Variants in PCGF3 observed in about 807,000 individuals in gnomAD.
PCGF3 encodes the protein polycomb group ring finger 3.
Under a neutral mutation model 33.1 loss-of-function variants are expected in PCGF3, and 7 were observed. The observed-to-expected ratio is 0.21, with a 90% CI of 0.12 to 0.40. PCGF3 has a LOEUF of 0.40. Ranked by LOEUF, PCGF3 falls within the 10% of genes least tolerant of loss-of-function variation. PCGF3 has a pLI of 1.00. For synonymous variants in PCGF3, 153 were observed against 121.3 expected (o/e 1.26, Z -1.72); for missense variants, 211 against 313.3 (o/e 0.67, Z 2.46).
At chr4:747,606 G>C (rs7681797) in intron 8 of PCGF3, among the ~76,000 whole-genome samples, 374 of 21,278 alleles carry the variant, frequency 0.018, 1 homozygote, top group East Asian at 0.047. Context: ...GGCGGGGCCC[G>C]GGGGTCGCTG....
At chr4:705,886 G>C (rs905947379) in exon 1 of PCGF3, 1 of 152,148 alleles carries the variant, frequency 6.6e-6, no homozygotes, top group Non-Finnish European at 1.5e-5. Flanking sequence ...TCCTCTTGGG[G>C]GGGACCCAGA....
chr4:744,525 G>A, intron 7 of PCGF3, 75 bp from the exon 8 acceptor site: 1 of 1,089,860 alleles, frequency 9.2e-7, no homozygotes, highest in Non-Finnish European at 1.4e-6. Flanking sequence ...GACGGCATTT[G>A]GAGTACAGTG....
At chr4:752,445 C>T (rs990570516) in intron 8 of PCGF3, among the ~76,000 whole-genome samples, 4 of 152,218 alleles carry the variant, frequency 2.6e-5, no homozygotes, top group African/African-American at 9.7e-5. Context: ...TGGGAGCAGC[C>T]GGCGGGTTTC....
chr4:737,728 G>A (rs1577418179), intron 6 of PCGF3, among the ~76,000 whole-genome samples: 1 of 152,174 alleles, frequency 6.6e-6, no homozygotes, highest in Non-Finnish European at 1.5e-5. Context: ...TACCCCTTAT[G>A]TGTATTCATT....
chr4:743,353 A>G (rs1744176053), intron 6 of PCGF3, 121 bp from the exon 7 acceptor site: 1 of 644,918 alleles, frequency 1.6e-6, no homozygotes, highest in South Asian at 1.9e-5. Flanking sequence ...CTGCTTTCTT[A>G]TTAGTAGCCT....
At chr4:758,456 T>A (rs532130936) in intron 8 of PCGF3, among the ~76,000 whole-genome samples, 1 of 136,484 alleles carries the variant, frequency 7.3e-6, no homozygotes, top group East Asian at 2.3e-4. Context: ...CCTTCCGGAC[T>A]CCGGGTCTTT....
chr4:748,324 C>G (rs750003583), intron 8 of PCGF3, among the ~76,000 whole-genome samples: 15 of 151,958 alleles, frequency 9.9e-5, no homozygotes, highest in Non-Finnish European at 1.6e-4. Context: ...CTCAGCCTCC[C>G]GAGTAGCTGG....
intron 1 of PCGF3, among the ~76,000 whole-genome samples, chr4:712,755 T>C (rs973442433): frequency 3.9e-5 from 6 of 152,256 alleles, no homozygotes; most frequent in Non-Finnish European, 8.8e-5. Flanking sequence ...CAATAAACTC[T>C]AATATTTAGG....
At chr4:761,219 C>G (rs1298239421) in intron 8 of PCGF3, 60 bp from the exon 9 acceptor site, 10 of 1,420,848 alleles carry the variant, frequency 7.0e-6, no homozygotes, top group African/African-American at 4.4e-5. Context: ...TCTAAGGAAG[C>G]CTCCAGAACC....
rs1743072656 is a variant in PCGF3, at chr4:721,463, G to A, written c.-189-9167G>A. 6.6e-6 allele frequency among the ~76,000 whole-genome samples: 1 copy of A among 152,188 alleles called. No individual in the cohort carries two copies. Among genetic ancestry groups the A allele is most frequent in the Non-Finnish European group, 1.5e-5 (1 of 68,038 alleles). ...GGCAGTCAGCCAGACGGGAAAGGGG[G>A]CTGAGGCGTCCAGGCTGCAGAGGGT... On this transcript the variant is annotated intron_variant, in intron 1 of 10. Transcript: ENST00000362003. This position sits in a 1 kb window ranked among gnomAD's most constrained non-coding sequence, Gnocchi z 4.1.
intron 8 of PCGF3, among the ~76,000 whole-genome samples, chr4:760,732 C>T (rs1334358056): frequency 1.3e-5 from 2 of 152,228 alleles, no homozygotes; most frequent in African/African-American, 2.4e-5. Flanking sequence ...GGGCAGATTC[C>T]TTTTCGCACC....
chr4:719,697 G>A (rs1742998098), intron 1 of PCGF3, among the ~76,000 whole-genome samples: 1 of 152,222 alleles, frequency 6.6e-6, no homozygotes, highest in South Asian at 2.1e-4. Flanking sequence ...ACGGTGCAGG[G>A]CGGTGCAGGC....
At chr4:748,793 T>G (rs1445445866) in intron 8 of PCGF3, among the ~76,000 whole-genome samples, 1 of 152,160 alleles carries the variant, frequency 6.6e-6, no homozygotes, top group Non-Finnish European at 1.5e-5. Flanking sequence ...CTGGTGTTGG[T>G]CTCGTCTGCG....
chr4:741,283 G>T (rs1468388407), intron 6 of PCGF3, among the ~76,000 whole-genome samples: 1 of 152,254 alleles, frequency 6.6e-6, no homozygotes, highest in African/African-American at 2.4e-5. Flanking sequence ...AGATATGGCT[G>T]TAGTCAGAAT....
intron 10 of PCGF3, 151 bp from the exon 11 acceptor site, chr4:765,881 T>G (rs776873211): frequency 1.5e-6 from 1 of 682,250 alleles, no homozygotes. Flanking sequence ...TGGGGGACCC[T>G]TCTGTTGCTC....
intron 3 of PCGF3, among the ~76,000 whole-genome samples, chr4:732,661 C>G (rs992679860): frequency 6.6e-6 from 1 of 152,164 alleles, no homozygotes. Context: ...CAGCAGAGAG[C>G]TCCAGGCTGG....
At chr4:752,064 G>A (rs548640080) in intron 8 of PCGF3, among the ~76,000 whole-genome samples, 4 of 152,366 alleles carry the variant, frequency 2.6e-5, no homozygotes, top group African/African-American at 7.2e-5. Context: ...ATACTTGACG[G>A]GGCCTTTCTT....
rs1379199548 is a variant in PCGF3, at chr4:721,925, G to A, written c.-189-8705G>A. 6.7e-6 allele frequency among the ~76,000 whole-genome samples: 1 copy of A among 149,782 alleles called. No homozygotes were observed. Among genetic ancestry groups the A allele is most frequent in the Non-Finnish European group, 1.5e-5 (1 of 67,814 alleles). On this transcript the variant is annotated intron_variant, in intron 1 of 10. Transcript: ENST00000362003. The surrounding 1 kb of genome is among the most constrained non-coding windows in gnomAD (Gnocchi z 4.1). ...GGAGAGAGGCCTGTGGGAGGTGGGT[G>A]GACATGTGTCGCTGCATGTGGGTGT...
intron 7 of PCGF3, among the ~76,000 whole-genome samples, 196 bp from the exon 8 acceptor site, chr4:744,404 A>G (rs1165263724): frequency 6.6e-6 from 1 of 152,182 alleles, no homozygotes; most frequent in East Asian, 1.9e-4. Context: ...CCACAGGCCC[A>G]CACGCCCGTT....
Sources: allele counts gnomAD v4.1 joint callset (sites outside exome capture counted in the v4.1 genomes callset), GRCh38; gene constraint gnomAD v4.1.1; non-coding constraint Gnocchi (gnomAD v3.1); transcripts MANE v1.5; gene names NCBI Gene and HGNC (gene_info 2026-07-23, HGNC 2026-07-21).